Variants in KIRREL3 observed in about 807,000 individuals in gnomAD.
KIRREL3 encodes kirre like nephrin family adhesion molecule 3.
A neutral mutation model predicts 89.7 loss-of-function variants in KIRREL3; 36 were observed. That is an observed-to-expected ratio of 0.40 (90% confidence interval 0.31 to 0.53). KIRREL3 has a LOEUF of 0.53. KIRREL3 is among the 20% of genes least tolerant of loss of function. KIRREL3 has a pLI of 0.49. For missense variants in KIRREL3, 864 were observed against 1,056.6 expected (o/e 0.82, Z 2.53); for synonymous variants, 445 against 441.4 (o/e 1.01, Z -0.10).
intron 1 of KIRREL3, among the ~76,000 whole-genome samples, chr11:126,680,415 T>TATATATATATATATATAC (rs551073557): frequency 1.3e-5 from 2 of 151,598 alleles, no homozygotes; most frequent in African/African-American, 4.9e-5. Context: ...TATATATATA[T>TATATATATATATATATAC]ACACATAGCC....
chr11:126,999,218 T>C lies in KIRREL3; in HGVS notation c.55+1237A>G, dbSNP rs1950254806. 1.3e-5 allele frequency among the ~76,000 whole-genome samples: 2 copies of C among 152,192 alleles called. No homozygotes were observed. Among genetic ancestry groups the C allele is most frequent in the African/African-American group, 4.8e-5 (2 of 41,494 alleles). ...AGGCATTAGTATGCACATACAAATATGAAGAAGGAGCCCCTTCGGTTTCAT... is the reference window on the plus strand; with the variant it reads ...AGGCATTAGTATGCACATACAAATACGAAGAAGGAGCCCCTTCGGTTTCAT... On this transcript the variant is annotated intron_variant, in intron 1 of 16. Transcript: ENST00000525144. The surrounding 1 kb of genome is among the most constrained non-coding windows in gnomAD (Gnocchi z 5.7).
At chr11:126,923,197 TCTTCTTC>T (rs1947473900) in intron 1 of KIRREL3, among the ~76,000 whole-genome samples, 1 of 8,832 alleles carries the variant, frequency 1.1e-4, no homozygotes, top group African/African-American at 1.4e-3. Context: ...CTCTTCTTCT[TCTTCTTC>T]TTCTTCTTCT....
rs1184860086 is a variant in KIRREL3 at position 126,867,278 on chromosome 11, C to G, written c.55+133177G>C. Among the ~76,000 whole-genome samples, 3 of 152,254 alleles carry G rather than the reference C, an allele frequency of 2.0e-5. No individual in the cohort carries two copies. Among genetic ancestry groups the G allele is most frequent in the Non-Finnish European group, 4.4e-5 (3 of 68,046 alleles). Reference sequence around the variant, plus strand: ...AAAGGAAATTCTCCCGTTTCAATAGCAGGTCTTCAGGACCTGTGCTGGGAC... The same window carrying G: ...AAAGGAAATTCTCCCGTTTCAATAGGAGGTCTTCAGGACCTGTGCTGGGAC... On this transcript the variant is annotated intron_variant, in intron 1 of 16. Transcript: ENST00000525144. The surrounding 1 kb of genome is among the most constrained non-coding windows in gnomAD (Gnocchi z 4.7).
At position 126,819,673 on chromosome 11, in the gene KIRREL3, C is replaced by T. The variant is rs553948634; in HGVS notation, c.55+180782G>A. Among the ~76,000 whole-genome samples the T allele has an allele frequency of 2.0e-3, 310 of 152,352 alleles. 3 individuals carry two copies. The highest frequency in any genetic ancestry group is 3.8e-3 in the Non-Finnish European group (256 of 68,034). ...GAGGCAGGAACGCTCACATACACAT[C>T]GGTGAGCAGAGGCCACAGGCATCAC... On this transcript the variant is annotated intron_variant, in intron 1 of 16. Transcript: ENST00000525144.
In KIRREL3 at chr11:126,463,093, G is replaced by C; in HGVS notation, c.742+64C>G. On this transcript the variant is annotated intron_variant, in intron 6 of 16. Transcript: ENST00000525144. The surrounding 1 kb of genome is among the most constrained non-coding windows in gnomAD (Gnocchi z 5.9). ...TATCAGATGGGCCAGGCTATGGTCA[G>C]GGTTGCTGGGTGTTTCACCCTGGGC... is the stretch of plus-strand genomic sequence containing the variant. The C allele has an allele frequency of 6.5e-7, 1 of 1,529,184 alleles. No individual in the cohort carries two copies. The highest frequency in any genetic ancestry group is 1.2e-5 in the South Asian group (1 of 84,046). 94.7% of individuals were successfully genotyped at this position (1,529,184 alleles called of 1,614,324 possible).
chr11:126,456,332 T>G lies in KIRREL3; in HGVS notation c.848+17A>C. On this transcript the variant is annotated intron_variant, in intron 7 of 16. Transcript: ENST00000525144. ...GGGCCAGTGGCCAGGCCGGGCCCCC[T>G]CAGCAGTGACTCTCACCTGTACTGG... is the stretch of plus-strand genomic sequence containing the variant. 1 of 1,546,540 alleles carries G rather than the reference T, an allele frequency of 6.5e-7. No individual in the cohort carries two copies. Among genetic ancestry groups the G allele is most frequent in the Non-Finnish European group, 8.8e-7 (1 of 1,137,942 alleles).
At position 126,501,725 on chromosome 11, in the gene KIRREL3, A is replaced by G. The variant is rs1381087378; in HGVS notation, c.433+19590T>C. On this transcript the variant is annotated intron_variant, in intron 4 of 16. Coordinates refer to ENST00000525144, the MANE Select transcript of KIRREL3 (RefSeq NM_032531.4). This position sits in a 1 kb window ranked among gnomAD's most constrained non-coding sequence, Gnocchi z 5.8. ...CCCTCCTTAAAGCCTACACTTGCCA[A>G]CTCGCCTGGCCCTGGGCACTGCTTG... Among the ~76,000 whole-genome samples, 1 of 152,002 alleles carries G rather than the reference A, an allele frequency of 6.6e-6. No individual in the cohort carries two copies. Among genetic ancestry groups the G allele is most frequent in the Non-Finnish European group, 1.5e-5 (1 of 67,996 alleles).
rs1051828993 is a variant in KIRREL3, at chr11:126,987,443, A to G, written c.55+13012T>C. 3.3e-5 allele frequency among the ~76,000 whole-genome samples: 5 copies of G among 152,228 alleles called. No homozygotes were observed. The highest frequency in any genetic ancestry group is 1.2e-4 in the African/African-American group (5 of 41,458). On this transcript the variant is annotated intron_variant, in intron 1 of 16. Coordinates refer to ENST00000525144, the MANE Select transcript of KIRREL3 (RefSeq NM_032531.4). This position sits in a 1 kb window ranked among gnomAD's most constrained non-coding sequence, Gnocchi z 4.6. ...GGTAGATTTCCTGTTATTTTCACAGACAAACAGGAGAGGTAAGTGTTCAGA... is the reference window on the plus strand; with the variant it reads ...GGTAGATTTCCTGTTATTTTCACAGGCAAACAGGAGAGGTAAGTGTTCAGA...
At chr11:126,822,939 A>T (rs944288134) in intron 1 of KIRREL3, among the ~76,000 whole-genome samples, 1 of 152,180 alleles carries the variant, frequency 6.6e-6, no homozygotes, top group African/African-American at 2.4e-5. Context: ...AGTCAGGTAT[A>T]CCATATGGAT....
intron 1 of KIRREL3, among the ~76,000 whole-genome samples, chr11:126,760,931 T>C (rs982554587): frequency 6.6e-6 from 1 of 152,192 alleles, no homozygotes; most frequent in African/African-American, 2.4e-5. Context: ...TAATGGAGGG[T>C]AATCTCTCTG....
At position 126,527,999 on chromosome 11, in the gene KIRREL3, A is replaced by G. The variant is rs1958817022; in HGVS notation, c.134-1312T>C. ...TACAACCCCTCCTGTAATCCACTTA[A>G]TTATACTTCAGGGCAGAAAAAGCCC... On this transcript the variant is annotated intron_variant, in intron 2 of 16. Coordinates refer to ENST00000525144, the MANE Select transcript of KIRREL3 (RefSeq NM_032531.4). This position sits in a 1 kb window ranked among gnomAD's most constrained non-coding sequence, Gnocchi z 4.2. Among the ~76,000 whole-genome samples, 1 of 152,202 alleles carries G rather than the reference A, an allele frequency of 6.6e-6. No individual in the cohort carries two copies. Among genetic ancestry groups the G allele is most frequent in the African/African-American group, 2.4e-5 (1 of 41,452 alleles).
chr11:126,967,473 A>G (rs976840674), intron 1 of KIRREL3, among the ~76,000 whole-genome samples: 3 of 152,126 alleles, frequency 2.0e-5, no homozygotes, highest in Non-Finnish European at 4.4e-5. Context: ...TGCAATAATA[A>G]TAATGATCAC....
rs1946206353 is a variant in KIRREL3, at chr11:126,676,726, C to T, written c.56-113814G>A. On this transcript the variant is annotated intron_variant, in intron 1 of 16. Transcript: ENST00000525144. The surrounding 1 kb of genome is among the most constrained non-coding windows in gnomAD (Gnocchi z 4.5). ...GCCCCATATGCGACCCAGGGCTTCCCATGGCAACATGTGGTGTTGTTTTTA... is the reference window on the plus strand; with the variant it reads ...GCCCCATATGCGACCCAGGGCTTCCTATGGCAACATGTGGTGTTGTTTTTA... Among the ~76,000 whole-genome samples the T allele has an allele frequency of 1.3e-5, 2 of 151,972 alleles. No homozygotes were observed. Among genetic ancestry groups the T allele is most frequent in the South Asian group, 2.1e-4 (1 of 4,818 alleles).
chr11:126,618,806 AG>A (rs1943461936), intron 1 of KIRREL3, among the ~76,000 whole-genome samples: 1 of 152,254 alleles, frequency 6.6e-6, no homozygotes, highest in South Asian at 2.1e-4. Context: ...GAGTCTTCCC[AG>A]AGCATCCCTG....
In KIRREL3 at chr11:126,995,081, A is replaced by T. The variant is rs1950140470; in HGVS notation, c.55+5374T>A. The stretch of plus-strand genomic sequence containing the variant: ...AATCCCACTCTACTTGGAATACAGG[A>T]TGAAGCGATTACAACCTGGGCGCAG... On this transcript the variant is annotated intron_variant, in intron 1 of 16. Coordinates refer to ENST00000525144, the MANE Select transcript of KIRREL3 (RefSeq NM_032531.4). This position sits in a 1 kb window ranked among gnomAD's most constrained non-coding sequence, Gnocchi z 6.5. 2.5e-6 allele frequency: 1 copy of T among 407,394 alleles called. No individual in the cohort carries two copies. The highest frequency in any genetic ancestry group is 4.9e-6 in the Non-Finnish European group (1 of 204,942). 25.2% of individuals were successfully genotyped at this position (407,394 alleles called of 1,614,324 possible).
chr11:126,473,174 C>G, intron 5 of KIRREL3, 135 bp downstream of exon 5: 1 of 396,490 alleles, frequency 2.5e-6, no homozygotes. Context: ...CTAGTCCCCT[C>G]CTAATCCAGC....
rs1823526281 is a variant in KIRREL3, at chr11:126,965,751, CTTG to C, written c.55+34701_55+34703del. ...TTATTTTCCCGTGTTTTACGTTGGCCTTGTTGTTTTTCTCTGGAGAGTTAACAT... is the reference window on the plus strand; with the variant it reads ...TTATTTTCCCGTGTTTTACGTTGGCCTTGTTTTTCTCTGGAGAGTTAACAT... On this transcript the variant is annotated intron_variant, in intron 1 of 16. Transcript: ENST00000525144. This position sits in a 1 kb window ranked among gnomAD's most constrained non-coding sequence, Gnocchi z 4.4. Among the ~76,000 whole-genome samples the C allele has an allele frequency of 6.6e-6, 1 of 152,154 alleles. No homozygotes were observed. The highest frequency in any genetic ancestry group is 6.5e-5 in the Admixed American group (1 of 15,272).
rs1950035464 is a variant in KIRREL3, at chr11:126,991,529, G to C, written c.55+8926C>G. Among the ~76,000 whole-genome samples, 1 of 152,078 alleles carries C rather than the reference G, an allele frequency of 6.6e-6. No homozygotes were observed. ...AGCCACAAAAGGAGCTACTCAAGCA[G>C]TATGTCCTTAATTACTCTTCAGCCC... is the stretch of plus-strand genomic sequence containing the variant. On this transcript the variant is annotated intron_variant, in intron 1 of 16. Coordinates refer to ENST00000525144, the MANE Select transcript of KIRREL3 (RefSeq NM_032531.4). The surrounding 1 kb of genome is among the most constrained non-coding windows in gnomAD (Gnocchi z 5.8).
chr11:126,663,388 T>C (rs965364405), intron 1 of KIRREL3, among the ~76,000 whole-genome samples: 1 of 151,990 alleles, frequency 6.6e-6, no homozygotes, highest in African/African-American at 2.4e-5. Flanking sequence ...GGTTTCACCA[T>C]GTTAGCCAGG....
Sources: allele counts gnomAD v4.1 joint callset (sites outside exome capture counted in the v4.1 genomes callset), GRCh38; gene constraint gnomAD v4.1.1; non-coding constraint Gnocchi (gnomAD v3.1); transcripts MANE v1.5; gene names NCBI Gene and HGNC (gene_info 2026-07-23, HGNC 2026-07-21).